Variants in SULT6B1 observed in about 807,000 individuals in gnomAD.
SULT6B1 encodes sulfotransferase family 6B member 1.
SULT6B1 carries 44 observed loss-of-function variants against 37.2 expected under a neutral mutation model. The ratio of observed to expected loss-of-function variants is 1.18; its 90% CI spans 0.93 to 1.52. The LOEUF is 1.52. SULT6B1 is among the 40% of genes most tolerant of loss of function. The pLI, the probability that SULT6B1 is intolerant of heterozygous loss-of-function variation, is 0.00. For synonymous variants in SULT6B1, 140 were observed against 126.0 expected (o/e 1.11, Z -0.74); for missense variants, 450 against 361.0 (o/e 1.25, Z -2.00).
At chr2:37,185,236 G>A (rs1676645483) in intron 2 of SULT6B1, among the ~76,000 whole-genome samples, 2 of 152,102 alleles carry the variant, frequency 1.3e-5, no homozygotes, top group South Asian at 4.2e-4. Flanking sequence ...AAAAATGGAA[G>A]TCAACTGTAA....
intron 5 of SULT6B1, among the ~76,000 whole-genome samples, chr2:37,174,227 CTTTTTTTTTTTTT>C (rs35100458): frequency 1.2e-4 from 7 of 58,482 alleles, no homozygotes; most frequent in East Asian, 5.0e-4. Flanking sequence ...TCTTCCTATT[CTTTTTTTTTTTTT>C]TTTTTTTTTT....
At position 37,171,423 on chromosome 2, in the gene SULT6B1, T is replaced by A; in HGVS notation, c.781+11A>T. 6.2e-7 allele frequency: 1 copy of A among 1,609,500 alleles called. No homozygotes were observed. Among genetic ancestry groups the A allele is most frequent in the Non-Finnish European group, 8.5e-7 (1 of 1,178,080 alleles). On this transcript the variant is annotated intron_variant, in intron 6 of 6. Coordinates refer to ENST00000535679, the MANE Select transcript of SULT6B1 (RefSeq NM_001367551.1). ...AACTGATAACAATCCCAGAAACCAA[T>A]GCGACTTTACCTTTGCGGAAAAGGA...
intron 6 of SULT6B1, among the ~76,000 whole-genome samples, chr2:37,171,231 C>T (rs773494392): frequency 5.3e-5 from 8 of 152,038 alleles, no homozygotes; most frequent in Non-Finnish European, 1.0e-4. Context: ...CAGAGCGAGA[C>T]TCCGTCTCAA....
At chr2:37,193,203 A>G (rs570061532), upstream of SULT6B1, among the ~76,000 whole-genome samples, 9 of 151,338 alleles carry the variant, frequency 5.9e-5, no homozygotes, top group African/African-American at 2.2e-4. Flanking sequence ...CACCTATAAT[A>G]CCAGCACTTT....
chr2:37,194,558 T>A (rs1413005108), intron 1 of SULT6B1: 3 of 385,412 alleles, frequency 7.8e-6, no homozygotes, highest in African/African-American at 2.1e-5. Context: ...AATGCACACA[T>A]CTGGAGTTCC....
At position 37,169,229 on chromosome 2, in the gene SULT6B1, A is replaced by C. The variant is rs1251576980; in HGVS notation, c.782-1164T>G. On this transcript the variant is annotated intron_variant, in intron 6 of 6. Coordinates refer to ENST00000535679, the MANE Select transcript of SULT6B1 (RefSeq NM_001367551.1). Reference sequence around the variant, plus strand: ...ATTTCCTACCTCCTGAAAGCTGATTAAACAAGCCATAAAAATGGGGGTTAG... The same window carrying C: ...ATTTCCTACCTCCTGAAAGCTGATTCAACAAGCCATAAAAATGGGGGTTAG... Among the ~76,000 whole-genome samples the C allele has an allele frequency of 2.6e-5, 4 of 152,318 alleles. No individual in the cohort carries two copies. In the East Asian group the frequency reaches 7.7e-4, roughly 29 times the overall value.
At chr2:37,168,229 G>A (rs1287819357) in intron 6 of SULT6B1, among the ~76,000 whole-genome samples, 164 bp from the exon 7 acceptor site, 2 of 152,206 alleles carry the variant, frequency 1.3e-5, no homozygotes, top group African/African-American at 4.8e-5. Flanking sequence ...TCGCTCTGTT[G>A]CCCAGGCTGG....
chr2:37,171,900 T>A (rs754168064), intron 5 of SULT6B1, among the ~76,000 whole-genome samples: 1 of 152,186 alleles, frequency 6.6e-6, no homozygotes, highest in Admixed American at 6.5e-5. Context: ...ATGATATCAT[T>A]GCATTAAAAA....
chr2:37,168,171 A>G, intron 6 of SULT6B1, 106 bp from the exon 7 acceptor site: 2 of 1,169,362 alleles, frequency 1.7e-6, no homozygotes, highest in Non-Finnish European at 2.3e-6. Context: ...AAATGGACAC[A>G]TGGAAAAAAG....
upstream of SULT6B1, among the ~76,000 whole-genome samples, chr2:37,192,774 G>T (rs1280704941): frequency 1.3e-5 from 2 of 152,202 alleles, no homozygotes; most frequent in African/African-American, 4.8e-5. Flanking sequence ...ACAATGGGTT[G>T]GATCTTGTTC....
chr2:37,193,611 A>AGAAGAAGAAGAAGAG (rs1207249380), upstream of SULT6B1, among the ~76,000 whole-genome samples: 4 of 147,054 alleles, frequency 2.7e-5, no homozygotes, highest in African/African-American at 1.0e-4. Context: ...AAGAAGAAGA[A>AGAAGAAGAAGAAGAG]GAAGAAGAAG....
chr2:37,194,319 A>T (rs569816821), intron 1 of SULT6B1: 3 of 228,362 alleles, frequency 1.3e-5, no homozygotes, highest in Admixed American at 1.1e-4. Flanking sequence ...ACCTCAAGTG[A>T]TCTGCCCATC....
At chr2:37,189,555 G>A (rs1179750104), upstream of SULT6B1, among the ~76,000 whole-genome samples, 1 of 152,092 alleles carries the variant, frequency 6.6e-6, no homozygotes, top group African/African-American at 2.4e-5. Flanking sequence ...CTTCCTTTAG[G>A]GTGGGCTGCC....
At chr2:37,191,735 G>A (rs958379930), upstream of SULT6B1, among the ~76,000 whole-genome samples, 8 of 152,112 alleles carry the variant, frequency 5.3e-5, no homozygotes, top group African/African-American at 1.2e-4. Context: ...AGGTGGGTAC[G>A]AAAAAAACTG....
Position 37,171,130 on chromosome 2 carries a change from C to G in SULT6B1, c.781+304G>C, listed in dbSNP as rs184032018. Among the ~76,000 whole-genome samples the G allele has an allele frequency of 3.1e-3, 479 of 152,128 alleles. 11 individuals are homozygous for G. The highest frequency in any genetic ancestry group is 0.012 in the Admixed American group (178 of 15,284). On this transcript the variant is annotated intron_variant, in intron 6 of 6. Coordinates refer to ENST00000535679, the MANE Select transcript of SULT6B1 (RefSeq NM_001367551.1). ...GGCACGCGCCTGTTAGTCCCAGCTA[C>G]TCGGGAGGCTGAGGCAGGAGAATCG...
intron 3 of SULT6B1, among the ~76,000 whole-genome samples, chr2:37,181,689 C>A (rs773706132): frequency 6.6e-6 from 1 of 152,050 alleles, no homozygotes; most frequent in African/African-American, 2.4e-5. Flanking sequence ...GCCCCTGTTG[C>A]TCTTTTCTTG....
chr2:37,188,983 T>TA (rs1191223885), upstream of SULT6B1, among the ~76,000 whole-genome samples: 1 of 152,244 alleles, frequency 6.6e-6, no homozygotes, highest in Non-Finnish European at 1.5e-5. Flanking sequence ...ATTTTTCTAT[T>TA]AGAAATTCAC....
chr2:37,178,488 G>A (rs868594087), intron 4 of SULT6B1, among the ~76,000 whole-genome samples: 1 of 152,018 alleles, frequency 6.6e-6, no homozygotes, highest in Non-Finnish European at 1.5e-5. Context: ...CGCCCGCCTC[G>A]GCCTCCCAAA....
intron 1 of SULT6B1, among the ~76,000 whole-genome samples, chr2:37,193,701 C>G (rs1676835211): frequency 6.7e-6 from 1 of 149,300 alleles, no homozygotes; most frequent in Non-Finnish European, 1.5e-5. Context: ...AAAGAAATGT[C>G]TAGGCTTTAA....
Sources: gnomAD v4.1 joint callset for allele counts (sites outside exome capture counted in the v4.1 genomes callset) on GRCh38, gnomAD v4.1.1 for gene constraint, MANE v1.5 for transcripts, NCBI Gene and HGNC (gene_info 2026-07-23, HGNC 2026-07-21) for gene names.